Variants in CYP2B6 observed in about 807,000 individuals in gnomAD.
The protein encoded by CYP2B6 is cytochrome P450 family 2 subfamily B member 6, also known as cytochrome P450 2B6.
Under a neutral mutation model 43.4 loss-of-function variants are expected in CYP2B6, and 35 were observed. The ratio of observed to expected loss-of-function variants is 0.81; its 90% CI spans 0.62 to 1.07. The LOEUF is 1.07. CYP2B6 is among the 50% of genes least tolerant of loss of function. The probability of loss-of-function intolerance (pLI) is 0.00; values close to 1 mark genes in which losing one functional copy is unlikely to be tolerated. For synonymous variants in CYP2B6, 239 were observed against 239.2 expected, an observed-to-expected ratio of 1.00 and a Z score of 0.01; for missense variants, 624 against 632.8, an observed-to-expected ratio of 0.99 and a Z score of 0.15.
rs1053146277 is a variant in CYP2B6, at chr19:41,010,188, A to T, written c.964+53A>T. 52 of 1,605,756 alleles carry T rather than the reference A, an allele frequency of 3.2e-5. No individual in the cohort carries two copies. The Admixed American group carries it at 8.7e-4, about 27-fold the overall frequency. ...GTCTTCTGACCTCCTTCTGAGCTGC[A>T]GAAATGGGGCTATGGGTACCACCTG... On this transcript the variant is annotated intron_variant, in intron 6 of 8. Transcript: ENST00000324071.
chr19:41,014,600 T>C (rs557761414), intron 8 of CYP2B6, among the ~76,000 whole-genome samples: 191 of 152,312 alleles, frequency 1.3e-3, no homozygotes, highest in African/African-American at 4.5e-3. Context: ...CCACTGCGAC[T>C]GGCCTGCTAA....
chr19:40,995,293 C>T (rs1372907073), intron 1 of CYP2B6, among the ~76,000 whole-genome samples: 1 of 152,174 alleles, frequency 6.6e-6, no homozygotes, highest in Non-Finnish European at 1.5e-5. Context: ...CTCCAACAGA[C>T]ATACAGTTCT....
At chr19:41,004,689 C>A (rs956124762) in intron 3 of CYP2B6, among the ~76,000 whole-genome samples, 1 of 151,830 alleles carries the variant, frequency 6.6e-6, no homozygotes, top group Admixed American at 6.6e-5. Context: ...TGTATAATGT[C>A]CAAGAGTTAC....
chr19:41,017,529 G>C lies in CYP2B6; in HGVS notation c.*702G>C, dbSNP rs774753193. 7 of 151,870 alleles carry C rather than the reference G, an allele frequency of 4.6e-5. No individual in the cohort carries two copies. Among genetic ancestry groups the C allele is most frequent in the Non-Finnish European group, 8.8e-5 (6 of 68,018 alleles). The allele number at this position is 151,870 out of a possible 1,614,324, so 9.4% of individuals were successfully genotyped here. ...CTGTCACCCAGGTTCGAGTTCAGTG[G>C]TGCCATCTCTGTCCACTGCAACCTC... On this transcript the variant is annotated 3_prime_UTR_variant, in exon 9 of 9. Transcript: ENST00000324071.
At chr19:40,992,099 G>A (rs1481084630) in intron 1 of CYP2B6, among the ~76,000 whole-genome samples, 1 of 151,446 alleles carries the variant, frequency 6.6e-6, no homozygotes, top group African/African-American at 2.4e-5. Context: ...CTACCCAGGA[G>A]GCTGAGGAAG....
At chr19:41,014,871 G>A (rs1470922556) in intron 8 of CYP2B6, among the ~76,000 whole-genome samples, 1 of 151,162 alleles carries the variant, frequency 6.6e-6, no homozygotes, top group Non-Finnish European at 1.5e-5. Context: ...AAAGGAAGGA[G>A]GAGGGGAGAA....
intron 1 of CYP2B6, among the ~76,000 whole-genome samples, chr19:40,997,295 C>T (rs1045584336): frequency 1.3e-5 from 2 of 151,866 alleles, no homozygotes; most frequent in Non-Finnish European, 2.9e-5. Flanking sequence ...CTTACCATGC[C>T]TGATTTTATG....
At chr19:41,004,585 T>A in intron 3 of CYP2B6, 139 bp downstream of exon 3, 1 of 981,792 alleles carries the variant, frequency 1.0e-6, no homozygotes, top group Non-Finnish European at 1.6e-6. Context: ...GACAGAGGGA[T>A]AGAGACAGAG....
chr19:41,018,333 GA>G lies in CYP2B6; in HGVS notation c.*1507del, dbSNP rs1969402554. 6.6e-6 allele frequency: 1 copy of G among 152,246 alleles called. No individual in the cohort carries two copies. Among genetic ancestry groups the G allele is most frequent in the South Asian group, 2.1e-4 (1 of 4,832 alleles). 9.4% of individuals were successfully genotyped at this position (152,246 alleles called of 1,614,324 possible). Reference sequence around the variant, plus strand: ...TCTGCACTGGTGCTTTGGATTCCCTGATATGTTCCTTCAAATCTGCTGAGAA... The same window carrying G: ...TCTGCACTGGTGCTTTGGATTCCCTGTATGTTCCTTCAAATCTGCTGAGAA... On this transcript the variant is annotated 3_prime_UTR_variant, in exon 9 of 9. Coordinates refer to ENST00000324071, the MANE Select transcript of CYP2B6 (RefSeq NM_000767.5).
intron 1 of CYP2B6, among the ~76,000 whole-genome samples, chr19:41,003,654 T>C (rs1409585110): frequency 6.6e-6 from 1 of 152,136 alleles, no homozygotes. Context: ...TTGTCCAACC[T>C]GCCTTATTTT....
chr19:40,997,008 C>T (rs769467165), intron 1 of CYP2B6, among the ~76,000 whole-genome samples: 1 of 152,034 alleles, frequency 6.6e-6, no homozygotes, highest in Non-Finnish European at 1.5e-5. Flanking sequence ...TGGGTATGAG[C>T]CACAGGTATA....
rs945106154 is a variant in CYP2B6 at position 41,016,820 on chromosome 19, C to A, written c.1469C>A (p.Pro490His). The A allele has an allele frequency of 6.2e-7, 1 of 1,613,824 alleles. No homozygotes were observed. The highest frequency in any genetic ancestry group is 1.7e-5 in the Admixed American group (1 of 59,992). The change falls in exon 9 of 9, where the codon CCC becomes CAC. Residue 490 changes from proline to histidine, a missense_variant. Pro to His is a moderately conservative substitution (Grantham distance 77). Coordinates refer to ENST00000324071, the MANE Select transcript of CYP2B6 (RefSeq NM_000767.5). Reference sequence around the variant, plus strand: ...CCAACATACCAGATCCGCTTCCTGCCCCGCTGAAGGGGCTGAGGGAAGGGG... The same window carrying A: ...CCAACATACCAGATCCGCTTCCTGCACCGCTGAAGGGGCTGAGGGAAGGGG... ...IPPTYQIRFLPR is the reference protein window; with the variant it reads ...IPPTYQIRFLHR
At chr19:41,002,764 G>C (rs1178970301) in intron 1 of CYP2B6, among the ~76,000 whole-genome samples, 1 of 152,012 alleles carries the variant, frequency 6.6e-6, no homozygotes, top group East Asian at 1.9e-4. Flanking sequence ...GGTCAGGCTG[G>C]ACTCAAACTC....
Position 41,009,332 on chromosome 19 carries a change from T to G in CYP2B6, c.759T>G (p.Arg253=). The G allele has an allele frequency of 6.2e-7, 1 of 1,609,612 alleles. No homozygotes were observed. The highest frequency in any genetic ancestry group is 2.2e-5 in the East Asian group (1 of 44,802). ...TTGGCCACAGTGTGGAGAAGCACCG[T>G]GAAACCCTGGACCCCAGCGCCCCCA... ...AYIGHSVEKH[R]ETLDPSAPKD... is the part of the protein sequence containing the mutation. Residue 253 remains arginine, a synonymous_variant, in exon 5 of 9, where the codon CGT becomes CGG. Transcript: ENST00000324071.
At chr19:41,012,585 T>C (rs1969302425) in intron 7 of CYP2B6, 89 bp from the exon 8 acceptor site, 1 of 1,610,774 alleles carries the variant, frequency 6.2e-7, no homozygotes, top group East Asian at 2.2e-5. Flanking sequence ...TGAGTCCCGT[T>C]GTTTTTGTTT....
chr19:41,014,853 G>C (rs972561139), intron 8 of CYP2B6, among the ~76,000 whole-genome samples: 10 of 151,152 alleles, frequency 6.6e-5, no homozygotes, highest in African/African-American at 2.2e-4. Context: ...AGAGGAGAGA[G>C]AGTAGGAAAA....
At chr19:41,012,614 G>A in intron 7 of CYP2B6, 60 bp from the exon 8 acceptor site, 1 of 1,611,080 alleles carries the variant, frequency 6.2e-7, no homozygotes, top group South Asian at 1.1e-5. Flanking sequence ...TCTTTTTTGT[G>A]GAGTGTGTGG....
rs139980085 is a variant in CYP2B6, at chr19:40,991,383, C to A, written c.78C>A (p.Thr26=). 6.2e-7 allele frequency: 1 copy of A among 1,614,100 alleles called. No homozygotes were observed. Among genetic ancestry groups the A allele is most frequent in the Non-Finnish European group, 8.5e-7 (1 of 1,180,032 alleles). Residue 26 remains threonine, a synonymous_variant, in exon 1 of 9, where the codon ACC becomes ACA. Coordinates refer to ENST00000324071, the MANE Select transcript of CYP2B6 (RefSeq NM_000767.5). The stretch of plus-strand genomic sequence containing the variant: ...TCCTGGTTCAGCGCCACCCTAACAC[C>A]CATGACCGCCTCCCACCAGGGCCCC... The part of the protein sequence containing the change: ...LLLLVQRHPN[T]HDRLPPGPRP...
chr19:41,003,526 C>G lies in CYP2B6; in HGVS notation c.172-475C>G, dbSNP rs180791497. On this transcript the variant is annotated intron_variant, in intron 1 of 8. Transcript: ENST00000324071. Reference sequence around the variant, plus strand: ...ACTGAAACTGCAAAAAGCAAAACCACAGATCATAAGAAGTATGCGGTGGGG... The same window carrying G: ...ACTGAAACTGCAAAAAGCAAAACCAGAGATCATAAGAAGTATGCGGTGGGG... Among the ~76,000 whole-genome samples the G allele has an allele frequency of 2.4e-3, 367 of 152,274 alleles. 1 individual carries two copies. Among genetic ancestry groups the G allele is most frequent in the Non-Finnish European group, 3.5e-3 (239 of 68,028 alleles).
Sources: allele counts gnomAD v4.1 joint callset (sites outside exome capture counted in the v4.1 genomes callset), GRCh38; gene constraint gnomAD v4.1.1; transcripts MANE v1.5; gene names NCBI Gene and HGNC (gene_info 2026-07-23, HGNC 2026-07-21).